PEDS1: variants seen among roughly 807,000 people sequenced by gnomAD.
The protein encoded by PEDS1 is CarF homolog.
A neutral mutation model predicts 35.2 loss-of-function variants in PEDS1; 14 were observed. The observed-to-expected ratio is 0.40, with a 90% CI of 0.26 to 0.62. The LOEUF (loss-of-function observed/expected upper bound fraction) is 0.62. Among genes scored for constraint, PEDS1 ranks in the 20% least tolerant of loss-of-function variants. The pLI, the probability that PEDS1 is intolerant of heterozygous loss-of-function variation, is 0.44. For missense variants in PEDS1, 260 were observed against 367.8 expected (o/e 0.71, Z 2.40); for synonymous variants, 152 against 152.0 (o/e 1.00, Z 0.00).
intron 1 of PEDS1, among the ~76,000 whole-genome samples, chr20:50,149,112 C>A (rs1043328749): frequency 6.6e-6 from 1 of 151,918 alleles, no homozygotes; most frequent in Non-Finnish European, 1.5e-5. Flanking sequence ...AACCTTGTCT[C>A]AAAAACAAAC....
Position 50,129,789 on chromosome 20 carries a change from T to C in PEDS1, c.334-99A>G. ...ATTCACCCTGGGCTCACCTCCCGCCTTTGATCCTAAGTTTCCTCCACCCGG... is the reference window on the plus strand; with the variant it reads ...ATTCACCCTGGGCTCACCTCCCGCCCTTGATCCTAAGTTTCCTCCACCCGG... On this transcript the variant is annotated intron_variant, in intron 3 of 5. Transcript: ENST00000371652. This position sits in a 1 kb window ranked among gnomAD's most constrained non-coding sequence, Gnocchi z 4.2. The C allele has an allele frequency of 6.6e-7, 1 of 1,525,818 alleles. No individual in the cohort carries two copies. Among genetic ancestry groups the C allele is most frequent in the Non-Finnish European group, 8.8e-7 (1 of 1,137,366 alleles). The allele number at this position is 1,525,818 out of a possible 1,614,324, so 94.5% of individuals were successfully genotyped here.
rs530170197 is a variant in PEDS1, at chr20:50,147,409, C to A, written c.122-3788G>T. 2.0e-5 allele frequency among the ~76,000 whole-genome samples: 3 copies of A among 152,330 alleles called. No homozygotes were observed. The South Asian group carries it at 6.2e-4, about 32-fold the overall frequency. On this transcript the variant is annotated intron_variant, in intron 1 of 5. Transcript: ENST00000371652. Reference sequence around the variant, plus strand: ...TTCCCTGGGGTCTCACACTGGGTGGCCAGATTTGGTGGCAGCCCTGGCTGG... The same window carrying A: ...TTCCCTGGGGTCTCACACTGGGTGGACAGATTTGGTGGCAGCCCTGGCTGG...
In PEDS1 at chr20:50,128,733, A is replaced by G. The variant is rs2081140356; in HGVS notation, c.479-546T>C. Among the ~76,000 whole-genome samples the G allele has an allele frequency of 6.6e-6, 1 of 152,162 alleles. No individual in the cohort carries two copies. The highest frequency in any genetic ancestry group is 1.9e-4 in the East Asian group (1 of 5,184). On this transcript the variant is annotated intron_variant, in intron 4 of 5. Transcript: ENST00000371652. This position sits in a 1 kb window ranked among gnomAD's most constrained non-coding sequence, Gnocchi z 5.2. Reference sequence around the variant, plus strand: ...CCTGTCTCAGTCTGTTCCTGCAAGGAGCTCTGAGGTGTTAACGGCTCTTTA... The same window carrying G: ...CCTGTCTCAGTCTGTTCCTGCAAGGGGCTCTGAGGTGTTAACGGCTCTTTA...
chr20:50,130,748 G>T (rs2147275798), intron 3 of PEDS1, 108 bp downstream of exon 3: 2 of 1,364,462 alleles, frequency 1.5e-6, no homozygotes, highest in South Asian at 1.3e-5. Flanking sequence ...TGCAATGATG[G>T]TTCCCATCTT....
At chr20:50,147,961 A>T (rs1219948906) in intron 1 of PEDS1, among the ~76,000 whole-genome samples, 10 of 152,086 alleles carry the variant, frequency 6.6e-5, no homozygotes, top group Non-Finnish European at 1.5e-4. Context: ...GGGAGGGTGC[A>T]CCTGTAATCT....
chr20:50,136,204 C>A (rs914197849), intron 2 of PEDS1, among the ~76,000 whole-genome samples: 1 of 152,210 alleles, frequency 6.6e-6, no homozygotes, highest in Non-Finnish European at 1.5e-5. Flanking sequence ...CAAGGCCTCG[C>A]TTAGGCCGAA....
In PEDS1 at chr20:50,129,268, T is replaced by C. The variant is rs1351660056; in HGVS notation, c.478+278A>G. 6.6e-6 allele frequency among the ~76,000 whole-genome samples: 1 copy of C among 152,012 alleles called. No individual in the cohort carries two copies. Among genetic ancestry groups the C allele is most frequent in the African/African-American group, 2.4e-5 (1 of 41,376 alleles). ...AGGAATAGTGGGGACGGTGGTAAAC[T>C]GGAAAGACGCGTCCTGTCAAAGGCA... is the stretch of plus-strand genomic sequence containing the variant. On this transcript the variant is annotated intron_variant, in intron 4 of 5. Coordinates refer to ENST00000371652, the MANE Select transcript of PEDS1 (RefSeq NM_199129.4). This position sits in a 1 kb window ranked among gnomAD's most constrained non-coding sequence, Gnocchi z 4.2.
At chr20:50,138,693 C>T (rs1398011162) in intron 2 of PEDS1, among the ~76,000 whole-genome samples, 1 of 152,232 alleles carries the variant, frequency 6.6e-6, no homozygotes, top group Non-Finnish European at 1.5e-5. Flanking sequence ...CTCCAGGCTG[C>T]TGTCTGAGGC....
In PEDS1 at chr20:50,128,382, C is replaced by T. The variant is rs971001599; in HGVS notation, c.479-195G>A. Among the ~76,000 whole-genome samples, 1 of 152,182 alleles carries T rather than the reference C, an allele frequency of 6.6e-6. No homozygotes were observed. The highest frequency in any genetic ancestry group is 2.4e-5 in the African/African-American group (1 of 41,440). On this transcript the variant is annotated intron_variant, in intron 4 of 5. Transcript: ENST00000371652. The surrounding 1 kb of genome is among the most constrained non-coding windows in gnomAD (Gnocchi z 5.2). ...TCAGGCTTTCCTCCTGCTCAGGAAG[C>T]AGGCGTAATGGTGTAATAGGATAAT...
chr20:50,151,816 G>A (rs921127535), intron 1 of PEDS1, among the ~76,000 whole-genome samples: 4 of 152,080 alleles, frequency 2.6e-5, no homozygotes, highest in African/African-American at 7.2e-5. Flanking sequence ...CCGAGATCAC[G>A]CCACTGCACT....
chr20:50,139,510 G>C (rs1042636330), intron 2 of PEDS1, among the ~76,000 whole-genome samples: 3 of 142,872 alleles, frequency 2.1e-5, no homozygotes, highest in Admixed American at 7.1e-5. Flanking sequence ...GTTCTCCCCC[G>C]ACCTCCCTGG....
At chr20:50,149,706 C>T (rs946099364) in intron 1 of PEDS1, among the ~76,000 whole-genome samples, 8 of 152,206 alleles carry the variant, frequency 5.3e-5, no homozygotes, top group Admixed American at 1.3e-4. Flanking sequence ...TCCCTACACA[C>T]AGAGGCCCAT....
chr20:50,142,681 CG>C (rs2081303289), intron 2 of PEDS1, among the ~76,000 whole-genome samples: 2 of 80,160 alleles, frequency 2.5e-5, no homozygotes, highest in Non-Finnish European at 5.4e-5. Context: ...TCAAGTCATC[CG>C]CCCCCCCCCC....
rs75123792 is a variant in PEDS1 at position 50,138,979 on chromosome 20, C to A, written c.241+4523G>T. Among the ~76,000 whole-genome samples the A allele has an allele frequency of 1.6e-3, 244 of 152,186 alleles. 1 individual carries two copies. The highest frequency in any genetic ancestry group is 5.7e-3 in the African/African-American group (235 of 41,530). ...GGACTTCCTCACCCCTCCCTGCCCACCTCAAAGGCCTGGCGTGGAGATGGA... is the reference window on the plus strand; with the variant it reads ...GGACTTCCTCACCCCTCCCTGCCCAACTCAAAGGCCTGGCGTGGAGATGGA... On this transcript the variant is annotated intron_variant, in intron 2 of 5. Transcript: ENST00000371652.
chr20:50,143,022 T>TATAC (rs1163573419), intron 2 of PEDS1, among the ~76,000 whole-genome samples: 2 of 151,880 alleles, frequency 1.3e-5, no homozygotes, highest in Middle Eastern at 3.2e-3. Context: ...CAGCTGCAGA[T>TATAC]GTATGCAGAT....
intron 2 of PEDS1, among the ~76,000 whole-genome samples, chr20:50,137,815 G>A (rs1042892362): frequency 1.3e-5 from 2 of 152,196 alleles, no homozygotes; most frequent in African/African-American, 2.4e-5. Context: ...AGGTTGCAGT[G>A]GGCCGAGATT....
At chr20:50,136,631 G>A (rs996800993) in intron 2 of PEDS1, among the ~76,000 whole-genome samples, 5 of 148,642 alleles carry the variant, frequency 3.4e-5, no homozygotes, top group African/African-American at 1.2e-4. Flanking sequence ...GCTGAGGCAG[G>A]AGAATCACTT....
chr20:50,144,139 T>C (rs898118072), intron 1 of PEDS1, among the ~76,000 whole-genome samples: 8 of 152,154 alleles, frequency 5.3e-5, no homozygotes, highest in African/African-American at 1.7e-4. Flanking sequence ...GCTGGATGCA[T>C]TAAACCAAGG....
intron 2 of PEDS1, chr20:50,131,178 A>G: frequency 6.7e-6 from 7 of 1,052,050 alleles, no homozygotes; most frequent in Non-Finnish European, 1.0e-5. Context: ...GAGAGTCTGG[A>G]GAGCATAAAC....
Sources: allele counts gnomAD v4.1 joint callset (sites outside exome capture counted in the v4.1 genomes callset), GRCh38; gene constraint gnomAD v4.1.1; non-coding constraint Gnocchi (gnomAD v3.1); transcripts MANE v1.5; gene names NCBI Gene and HGNC (gene_info 2026-07-23, HGNC 2026-07-21).